Variants in SPRY3 observed in about 807,000 individuals in gnomAD.
SPRY3 encodes the protein protein sprouty homolog 3.
Under a neutral mutation model 20.2 loss-of-function variants are expected in SPRY3, and 15 were observed. That is an observed-to-expected ratio of 0.74 (90% confidence interval 0.50 to 1.14). The LOEUF is 1.14. SPRY3 is among the 50% of genes most tolerant of loss of function. The pLI, the probability that SPRY3 is intolerant of heterozygous loss-of-function variation, is 0.00. For synonymous variants in SPRY3, 143 were observed against 136.5 expected, an observed-to-expected ratio of 1.05 and a Z score of -0.33; for missense variants, 364 against 363.9, an observed-to-expected ratio of 1.00 and a Z score of 0.00.
chrX:155,660,901 A>G (rs1276401751), intron 2 of SPRY3, among the ~76,000 whole-genome samples: 1 of 110,474 alleles, frequency 9.1e-6, no homozygotes, highest in Admixed American at 9.6e-5. Flanking sequence ...TCTTTACTTC[A>G]AGTCTGTAAA....
downstream of SPRY3, chrX:155,779,152 G>C (rs2091448252): frequency 6.0e-6 from 1 of 166,998 alleles, no homozygotes; most frequent in Admixed American, 6.6e-5. Context: ...TCTTCCCCAT[G>C]TGATATTTAC....
chrX:155,708,635 A>G (rs963155710), intron 2 of SPRY3, among the ~76,000 whole-genome samples: 1 of 151,414 alleles, frequency 6.6e-6, no homozygotes, highest in African/African-American at 2.4e-5. Flanking sequence ...GCAGGTATAT[A>G]TATTTATGTG....
chrX:155,779,407 G>A (rs2091450086), downstream of SPRY3: 1 of 166,944 alleles, frequency 6.0e-6, no homozygotes, highest in South Asian at 2.1e-4. Flanking sequence ...CTTTATTGTG[G>A]CTCTTAGAAC....
At chrX:155,632,050 C>T (rs782668809) in intron 1 of SPRY3, among the ~76,000 whole-genome samples, 12 of 111,804 alleles carry the variant, frequency 1.1e-4, no homozygotes, top group Admixed American at 1.9e-4. Flanking sequence ...AAGGAAGTAA[C>T]TCTAACAGCT....
intron 1 of SPRY3, among the ~76,000 whole-genome samples, chrX:155,655,373 T>G (rs1156708263): frequency 8.9e-6 from 1 of 111,797 alleles, no homozygotes; most frequent in Non-Finnish European, 1.9e-5. Flanking sequence ...CATTCCCATT[T>G]GTCTATTTTT....
intron 1 of SPRY3, among the ~76,000 whole-genome samples, chrX:155,626,140 C>T (rs1191057264): frequency 9.0e-6 from 1 of 111,460 alleles, no homozygotes; most frequent in Non-Finnish European, 1.9e-5. Flanking sequence ...ACAATGGCTA[C>T]ACAATTTTAC....
chrX:155,721,012 G>A (rs1284282766), intron 2 of SPRY3, among the ~76,000 whole-genome samples: 1 of 152,166 alleles, frequency 6.6e-6, no homozygotes, highest in East Asian at 1.9e-4. Flanking sequence ...CAAAATTGCT[G>A]TTTTGAGGAC....
At chrX:155,782,094 G>C (rs2091466356) in exon 2 of SPRY3, 1 of 166,964 alleles carries the variant, frequency 6.0e-6, no homozygotes, top group Admixed American at 6.6e-5. Context: ...GGCTGGTCCT[G>C]GTTGAAGGGA....
At position 155,734,412 on chromosome X, in the gene SPRY3, C is replaced by A. The variant is rs142761730; in HGVS notation, c.-281-33550C>A. On this transcript the variant is annotated intron_variant, in intron 2 of 3. Coordinates refer to ENST00000675360, the Ensembl canonical transcript of SPRY3. The stretch of plus-strand genomic sequence containing the variant: ...TTAACTTTGCTGTCATATATGAGTG[C>A]AGTTTGTGGCACCCTGAAAGAACTG... Among the ~76,000 whole-genome samples the A allele has an allele frequency of 3.7e-3, 557 of 152,094 alleles. 3 individuals are homozygous for A. The highest frequency in any genetic ancestry group is 0.012 in the African/African-American group (516 of 41,534).
intron 2 of SPRY3, among the ~76,000 whole-genome samples, chrX:155,668,011 G>A (rs1227934982): frequency 1.3e-5 from 1 of 79,155 alleles, no homozygotes; most frequent in Non-Finnish European, 2.7e-5. Flanking sequence ...GCTGGTGGGA[G>A]TATTAATTGG....
intron 1 of SPRY3, among the ~76,000 whole-genome samples, chrX:155,630,383 C>G (rs2067902065): frequency 9.0e-6 from 1 of 111,612 alleles, no homozygotes. Context: ...TTGAATAATT[C>G]CCGTTAACAT....
chrX:155,647,053 A>G (rs2067960225), intron 1 of SPRY3, among the ~76,000 whole-genome samples: 1 of 111,593 alleles, frequency 9.0e-6, no homozygotes, highest in South Asian at 3.7e-4. Context: ...AGATGATCGT[A>G]TATTTTTTTA....
At chrX:155,774,806 T>A in exon 4 of SPRY3, 1 of 1,516,902 alleles carries the variant, frequency 6.6e-7, no homozygotes, top group Non-Finnish European at 8.9e-7. Flanking sequence ...AGGCCTCATC[T>A]TTGGAGAGGG....
intron 2 of SPRY3, among the ~76,000 whole-genome samples, chrX:155,667,143 T>G (rs985054024): frequency 9.1e-6 from 1 of 110,353 alleles, no homozygotes; most frequent in Non-Finnish European, 1.9e-5. Context: ...AAGTAGTGAG[T>G]AGAAATAAAG....
intron 2 of SPRY3, among the ~76,000 whole-genome samples, chrX:155,704,387 G>A (rs1602949512): frequency 1.3e-5 from 2 of 151,708 alleles, no homozygotes; most frequent in East Asian, 3.9e-4. Flanking sequence ...CCTTTGAGGG[G>A]CCCAACAGAA....
intron 1 of SPRY3, among the ~76,000 whole-genome samples, chrX:155,624,697 G>A (rs1338084209): frequency 2.7e-5 from 3 of 111,650 alleles, no homozygotes; most frequent in Non-Finnish European, 5.7e-5. Flanking sequence ...TAGCAGGCCT[G>A]ATAACAGTGT....
At chrX:155,743,529 A>G (rs2091213135) in intron 2 of SPRY3, among the ~76,000 whole-genome samples, 1 of 152,134 alleles carries the variant, frequency 6.6e-6, no homozygotes, top group African/African-American at 2.4e-5. Context: ...GGATGGCAGC[A>G]CCTGCTTTCT....
At chrX:155,699,349 A>G (rs1185710542) in intron 2 of SPRY3, among the ~76,000 whole-genome samples, 1 of 111,943 alleles carries the variant, frequency 8.9e-6, no homozygotes, top group Non-Finnish European at 1.9e-5. Flanking sequence ...ATTGAGCTAG[A>G]ATAGTTGACA....
downstream of SPRY3, chrX:155,781,102 A>C (rs1316044402): frequency 6.1e-6 from 1 of 164,774 alleles, no homozygotes; most frequent in Non-Finnish European, 1.5e-5. Flanking sequence ...AAAGAAAGAG[A>C]GAGAAAGATA....
Sources: allele counts gnomAD v4.1 joint callset (sites outside exome capture counted in the v4.1 genomes callset), GRCh38; gene constraint gnomAD v4.1.1; transcripts MANE v1.5; gene names NCBI Gene and HGNC (gene_info 2026-07-23, HGNC 2026-07-21).